MYOF: variants seen among roughly 807,000 people sequenced by gnomAD.
MYOF encodes fer-1-like 3, myoferlin.
In MYOF, 244 loss-of-function variants were observed where a neutral mutation model predicts 284.2. The observed-to-expected ratio is 0.86, with a 90% confidence interval of 0.77 to 0.95. MYOF has a LOEUF of 0.95. Ranked by LOEUF, MYOF falls within the 40% of genes least tolerant of loss-of-function variation. MYOF has a pLI of 0.00. For missense variants in MYOF, 2,496 were observed against 2,560.6 expected (o/e 0.97, Z 0.54); for synonymous variants, 904 against 919.7 (o/e 0.98, Z 0.31).
rs540481244 is a variant in MYOF, at chr10:93,364,855, C to T, written c.2754-780G>A. Among the ~76,000 whole-genome samples the T allele has an allele frequency of 3.3e-5, 5 of 152,000 alleles. No homozygotes were observed. In the East Asian group the frequency reaches 5.8e-4, roughly 18 times the overall value. ...CTAGAATCCAGCACAGGAAAGGAATCAAAAAAACAAACAGTCCCAATCACT... is the reference window on the plus strand; with the variant it reads ...CTAGAATCCAGCACAGGAAAGGAATTAAAAAAACAAACAGTCCCAATCACT... On this transcript the variant is annotated intron_variant, in intron 26 of 53. Transcript: ENST00000359263.
At chr10:93,362,432 A>G (rs1589444279) in intron 27 of MYOF, among the ~76,000 whole-genome samples, 1 of 151,448 alleles carries the variant, frequency 6.6e-6, no homozygotes, top group Non-Finnish European at 1.5e-5. Flanking sequence ...TTTAGTACAG[A>G]TGGGGTTTCA....
intron 40 of MYOF, among the ~76,000 whole-genome samples, chr10:93,336,553 C>T (rs560033446): frequency 3.1e-4 from 47 of 152,186 alleles, no homozygotes; most frequent in African/African-American, 1.1e-3. Context: ...GAAATCCAAT[C>T]AGTTGCTCCT....
intron 21 of MYOF, among the ~76,000 whole-genome samples, chr10:93,377,981 C>T (rs1845915687): frequency 6.6e-6 from 1 of 152,142 alleles, no homozygotes; most frequent in Non-Finnish European, 1.5e-5. Context: ...ATACATGTGT[C>T]TGTGCAAATT....
chr10:93,402,310 G>A lies in MYOF; in HGVS notation c.912C>T (p.Asp304=). The A allele has an allele frequency of 6.2e-7, 1 of 1,614,068 alleles. No homozygotes were observed. Among genetic ancestry groups the A allele is most frequent in the Non-Finnish European group, 8.5e-7 (1 of 1,179,990 alleles). ...TAGAACCTGAACTGGTATCTTCCGG[G>A]TCATTGAGAAGAAGCCACTTTCTCA... ...AVMRKWLLLN[D]PEDTSSGSKG... is the part of the protein sequence containing the mutation. The change falls in exon 11 of 54, where the codon GAC becomes GAT. Residue 304 remains aspartate (D), a synonymous_variant. Transcript: ENST00000359263.
chr10:93,433,445 C>T (rs1029483094), intron 3 of MYOF, among the ~76,000 whole-genome samples: 11 of 152,060 alleles, frequency 7.2e-5, no homozygotes, highest in African/African-American at 1.2e-4. Flanking sequence ...AGGCGTGAGC[C>T]GCCGCGCCTG....
chr10:93,389,294 A>T (rs868638734), intron 17 of MYOF, 140 bp from the exon 18 acceptor site: 1 of 905,004 alleles, frequency 1.1e-6, no homozygotes, highest in Admixed American at 3.7e-5. Context: ...TGTAAGCACC[A>T]TGAGGTTTGC....
chr10:93,316,423 G>A (rs7087680), intron 50 of MYOF, among the ~76,000 whole-genome samples: 120 of 152,132 alleles, frequency 7.9e-4, no homozygotes, highest in African/African-American at 2.7e-3. Context: ...TGGCTGGTTT[G>A]AAAGTGGATG....
intron 3 of MYOF, among the ~76,000 whole-genome samples, chr10:93,450,888 T>C (rs701869): frequency 0.97 from 147,268 of 152,276 alleles, 71,404 homozygotes; most frequent in East Asian, 1. Context: ...GATAGTATAC[T>C]TTATAAACAA....
At chr10:93,414,409 T>C (rs976625991) in intron 5 of MYOF, among the ~76,000 whole-genome samples, 1 of 151,934 alleles carries the variant, frequency 6.6e-6, no homozygotes, top group African/African-American at 2.4e-5. Context: ...TGTGGTGGCG[T>C]GCACCTGTGG....
chr10:93,415,462 A>C (rs758431021), intron 5 of MYOF, among the ~76,000 whole-genome samples: 20 of 152,218 alleles, frequency 1.3e-4, no homozygotes, highest in Non-Finnish European at 2.5e-4. Context: ...TGAGATGGCC[A>C]CTAATTAACC....
chr10:93,335,098 G>A (rs939145909), intron 41 of MYOF, among the ~76,000 whole-genome samples: 2 of 152,148 alleles, frequency 1.3e-5, no homozygotes, highest in Non-Finnish European at 2.9e-5. Context: ...CACGCTGCCC[G>A]AAGCAATCAG....
chr10:93,342,169 C>T (rs1843952884), intron 38 of MYOF, among the ~76,000 whole-genome samples: 1 of 152,212 alleles, frequency 6.6e-6, no homozygotes, highest in Non-Finnish European at 1.5e-5. Context: ...AGAGACACAG[C>T]CTCCAGCCCC....
At chr10:93,424,571 G>T (rs995266175) in intron 5 of MYOF, among the ~76,000 whole-genome samples, 2 of 152,194 alleles carry the variant, frequency 1.3e-5, no homozygotes, top group Non-Finnish European at 1.5e-5. Flanking sequence ...TCAGGGTGCC[G>T]CTAGGAAGAG....
chr10:93,356,879 CGATGAT>C lies in MYOF; in HGVS notation c.3121-37_3121-32del, dbSNP rs148215421. 2.4e-3 allele frequency: 3,754 copies of C among 1,584,078 alleles called. 84 individuals are homozygous for C. The African/African-American group carries it at 0.046, about 19-fold the overall frequency. Reference sequence around the variant, plus strand: ...ACAGAAGTAAACATGTTAATGATGACGATGATGATGATGATATTCCTTATTTTGATA... The same window carrying C: ...ACAGAAGTAAACATGTTAATGATGACGATGATGATATTCCTTATTTTGATA... On this transcript the variant is annotated intron_variant, in intron 29 of 53. Coordinates refer to ENST00000359263, the MANE Select transcript of MYOF (RefSeq NM_013451.4).
At position 93,355,638 on chromosome 10, in the gene MYOF, G is replaced by T. The variant is rs1396535711; in HGVS notation, c.3393C>A (p.Cys1131Ter). 1 of 1,603,712 alleles carries T rather than the reference G, an allele frequency of 6.2e-7. No homozygotes were observed. ...TAAAACAAAACTCACTGTCAAAATT[G>T]CAGGAAACAATGGGGGTGTTTGCTC... Reference protein sequence around the residue: ...VFGANTPIVSCNFDRVYIYHL... With the variant: ...VFGANTPIVS Residue 1131 changes from cysteine to a stop codon, truncating the protein, a stop_gained, in exon 31 of 54, where the codon TGC becomes TGA. Coordinates refer to ENST00000359263, the MANE Select transcript of MYOF (RefSeq NM_013451.4). LOFTEE classifies it high-confidence loss of function.
At position 93,319,872 on chromosome 10, in the gene MYOF, T is replaced by C. The variant is rs1842778390; in HGVS notation, c.5598A>G (p.Lys1866=). 34 of 1,613,832 alleles carry C rather than the reference T, an allele frequency of 2.1e-5. No homozygotes were observed. Among genetic ancestry groups the C allele is most frequent in the Non-Finnish European group, 2.9e-5 (34 of 1,179,948 alleles). ...PAEQLCIVAK[K]EHFWSIDQTE... is the part of the protein sequence containing the mutation. ...CCCAGCGGCATATTTCAGAGCTCAC[T>C]TTTTTCGCAACGATACAGAGTTGTT... The change falls in exon 49 of 54, where the codon AAA becomes AAG. Residue 1866 remains lysine (K), a splice_region_variant and synonymous_variant. Transcript: ENST00000359263.
At chr10:93,420,828 C>A (rs1219941178) in intron 5 of MYOF, among the ~76,000 whole-genome samples, 1 of 152,106 alleles carries the variant, frequency 6.6e-6, no homozygotes, top group Non-Finnish European at 1.5e-5. Flanking sequence ...GAAAGAAAAA[C>A]AAGCTCAAAT....
At chr10:93,336,067 C>T in intron 40 of MYOF, 21 bp from the exon 41 acceptor site, 1 of 1,608,886 alleles carries the variant, frequency 6.2e-7, no homozygotes, top group East Asian at 2.2e-5. Flanking sequence ...CCAACAGAGT[C>T]TTAATTTCTC....
At chr10:93,471,922 A>G (rs1327935004) in intron 1 of MYOF, among the ~76,000 whole-genome samples, 4 of 150,450 alleles carry the variant, frequency 2.7e-5, no homozygotes, top group Non-Finnish European at 5.9e-5. Flanking sequence ...ACGGTGGCCA[A>G]CTGGAAGACC....
Sources: gnomAD v4.1 joint callset for allele counts (sites outside exome capture counted in the v4.1 genomes callset) on GRCh38, gnomAD v4.1.1 for gene constraint, MANE v1.5 for transcripts, NCBI Gene and HGNC (gene_info 2026-07-23, HGNC 2026-07-21) for gene names.